Variants in CFAP206 observed in about 807,000 individuals in gnomAD.
The protein encoded by CFAP206 is cilia- and flagella-associated protein 206.
A neutral mutation model predicts 65.4 loss-of-function variants in CFAP206; 53 were observed. That is an observed-to-expected ratio of 0.81 (90% CI 0.65 to 1.02). CFAP206 has a LOEUF of 1.02. CFAP206 is among the 50% of genes least tolerant of loss of function. The probability of loss-of-function intolerance (pLI) is 0.00; values close to 1 mark genes in which losing one functional copy is unlikely to be tolerated. For missense variants in CFAP206, 663 were observed against 753.2 expected, an observed-to-expected ratio of 0.88 and a Z score of 1.40; for synonymous variants, 250 against 254.4, an observed-to-expected ratio of 0.98 and a Z score of 0.17.
At chr6:87,444,564 T>C (rs1478830692) in intron 11 of CFAP206, 2 of 311,244 alleles carry the variant, frequency 6.4e-6, no homozygotes, top group East Asian at 1.7e-4. Context: ...AAGAATGTCA[T>C]TGAGTTCAGG....
At chr6:87,427,126 A>G (rs553700749) in intron 8 of CFAP206, among the ~76,000 whole-genome samples, 19 of 152,220 alleles carry the variant, frequency 1.2e-4, no homozygotes, top group African/African-American at 4.6e-4. Context: ...TATGTGCAGT[A>G]TTATTTTTAT....
rs1274212423 is a variant in CFAP206, at chr6:87,464,012, C to T, written c.1639-8C>T. 3.8e-6 allele frequency: 6 copies of T among 1,597,150 alleles called. No homozygotes were observed. The highest frequency in any genetic ancestry group is 5.1e-6 in the Non-Finnish European group (6 of 1,167,334). On this transcript the variant is annotated splice_polypyrimidine_tract_variant and splice_region_variant and intron_variant, in intron 12 of 12. Transcript: ENST00000369562. ...AAATGTTAATTCCTGTATTCTCTTTCTCTTTAGGCTAATTTGCGCCAGAAA... is the reference window on the plus strand; with the variant it reads ...AAATGTTAATTCCTGTATTCTCTTTTTCTTTAGGCTAATTTGCGCCAGAAA...
At chr6:87,455,749 T>C (rs777742689) in intron 11 of CFAP206, among the ~76,000 whole-genome samples, 9 of 152,092 alleles carry the variant, frequency 5.9e-5, no homozygotes, top group Non-Finnish European at 1.2e-4. Context: ...TGCCAATCAA[T>C]TGGAAAACCC....
intron 11 of CFAP206, among the ~76,000 whole-genome samples, chr6:87,460,019 A>G (rs1192033254): frequency 6.6e-6 from 1 of 152,208 alleles, no homozygotes; most frequent in Non-Finnish European, 1.5e-5. Context: ...ATTATTAACT[A>G]TCTTTTTAGC....
At position 87,456,889 on chromosome 6, in the gene CFAP206, C is replaced by G. The variant is rs560977351; in HGVS notation, c.1495-4133C>G. On this transcript the variant is annotated intron_variant, in intron 11 of 12. Transcript: ENST00000369562. ...TTGGCTGAAAACGCAGTGGCTCACACCTGTAATCCCAGCACTTTGGGAGGC... is the reference window on the plus strand; with the variant it reads ...TTGGCTGAAAACGCAGTGGCTCACAGCTGTAATCCCAGCACTTTGGGAGGC... Among the ~76,000 whole-genome samples, 4 of 152,244 alleles carry G rather than the reference C, an allele frequency of 2.6e-5. No homozygotes were observed. In the East Asian group the frequency reaches 7.7e-4, roughly 29 times the overall value.
intron 3 of CFAP206, among the ~76,000 whole-genome samples, chr6:87,411,992 A>T (rs1767742635): frequency 6.6e-6 from 1 of 152,230 alleles, no homozygotes; most frequent in Non-Finnish European, 1.5e-5. Context: ...GGCAGTCAGA[A>T]ATTTTATTGG....
At chr6:87,409,803 G>T in intron 1 of CFAP206, 32 bp from the exon 2 acceptor site, 1 of 1,465,224 alleles carries the variant, frequency 6.8e-7, no homozygotes, top group Non-Finnish European at 9.4e-7. Context: ...TAAAACCACG[G>T]TTTTTTTAAA....
chr6:87,443,099 CATT>C (rs1186606644), intron 11 of CFAP206, among the ~76,000 whole-genome samples: 1 of 152,074 alleles, frequency 6.6e-6, no homozygotes, highest in Non-Finnish European at 1.5e-5. Context: ...TGGTTGGAAA[CATT>C]ATAACTATGC....
intron 7 of CFAP206, among the ~76,000 whole-genome samples, chr6:87,424,028 T>G (rs919806897): frequency 6.6e-5 from 10 of 152,210 alleles, no homozygotes; most frequent in African/African-American, 2.2e-4. Flanking sequence ...GTCATTCTTT[T>G]ATGCTATACT....
At chr6:87,456,164 C>T (rs886365616) in intron 11 of CFAP206, among the ~76,000 whole-genome samples, 2 of 151,988 alleles carry the variant, frequency 1.3e-5, no homozygotes, top group Non-Finnish European at 2.9e-5. Flanking sequence ...TCATTATGAC[C>T]AAGTGGGATT....
chr6:87,411,025 A>T (rs1767726851), intron 3 of CFAP206, among the ~76,000 whole-genome samples: 1 of 151,996 alleles, frequency 6.6e-6, no homozygotes, highest in South Asian at 2.1e-4. Context: ...CTTAACATTT[A>T]TTGACCAGAA....
intron 11 of CFAP206, among the ~76,000 whole-genome samples, chr6:87,456,535 A>G (rs1768645489): frequency 6.6e-6 from 1 of 152,226 alleles, no homozygotes; most frequent in Admixed American, 6.5e-5. Context: ...ATCAGACAAT[A>G]GAAATGAAGG....
chr6:87,412,616 G>A (rs1421261581), intron 3 of CFAP206, among the ~76,000 whole-genome samples: 2 of 151,926 alleles, frequency 1.3e-5, no homozygotes, highest in Non-Finnish European at 1.5e-5. Flanking sequence ...TGAAGAGAGG[G>A]GGGTGGTTGC....
intron 11 of CFAP206, among the ~76,000 whole-genome samples, chr6:87,439,094 T>G (rs932533590): frequency 6.6e-6 from 1 of 152,186 alleles, no homozygotes; most frequent in Non-Finnish European, 1.5e-5. Context: ...CTTAATGAAT[T>G]TGCTAAGTTT....
At chr6:87,425,594 CTTA>C (rs1464324318) in intron 7 of CFAP206, among the ~76,000 whole-genome samples, 1 of 152,046 alleles carries the variant, frequency 6.6e-6, no homozygotes, top group African/African-American at 2.4e-5. Context: ...TTCAAGTATG[CTTA>C]TTATGTAAAG....
chr6:87,429,157 T>C (rs1241679640), intron 9 of CFAP206, among the ~76,000 whole-genome samples: 1 of 150,906 alleles, frequency 6.6e-6, no homozygotes, highest in Non-Finnish European at 1.5e-5. Flanking sequence ...ACCTAGCGGG[T>C]CAGAGGTTGC....
intron 4 of CFAP206, among the ~76,000 whole-genome samples, chr6:87,414,709 T>C (rs982253078): frequency 6.6e-6 from 1 of 152,232 alleles, no homozygotes; most frequent in African/African-American, 2.4e-5. Flanking sequence ...AAAACAAGTC[T>C]ATTTCTCTAT....
At chr6:87,463,839 ATATT>A (rs1248384314) in intron 12 of CFAP206, among the ~76,000 whole-genome samples, 177 bp from the exon 13 acceptor site, 13 of 152,120 alleles carry the variant, frequency 8.5e-5, no homozygotes, top group Admixed American at 7.2e-4. Context: ...TTGGTAAGGG[ATATT>A]TAATTTTCTA....
At chr6:87,452,355 G>C (rs1768561653) in intron 11 of CFAP206, among the ~76,000 whole-genome samples, 2 of 152,146 alleles carry the variant, frequency 1.3e-5, no homozygotes, top group African/African-American at 4.8e-5. Context: ...GCCTTCTCAA[G>C]GACAGGTACA....
Sources: gnomAD v4.1 joint callset for allele counts (sites outside exome capture counted in the v4.1 genomes callset) on GRCh38, gnomAD v4.1.1 for gene constraint, MANE v1.5 for transcripts, NCBI Gene and HGNC (gene_info 2026-07-23, HGNC 2026-07-21) for gene names.